EZR: variants seen among roughly 807,000 people sequenced by gnomAD.
EZR encodes ezrin, also known as cytovillin 2.
Under a neutral mutation model 74.8 loss-of-function variants are expected in EZR, and 40 were observed. That is an observed-to-expected ratio of 0.53 (90% confidence interval 0.42 to 0.70). The LOEUF (loss-of-function observed/expected upper bound fraction) is 0.70. EZR is among the 30% of genes least tolerant of loss of function. The probability of loss-of-function intolerance (pLI) is 0.00; values close to 1 mark genes in which losing one functional copy is unlikely to be tolerated. For synonymous variants in EZR, 341 were observed against 283.3 expected, an observed-to-expected ratio of 1.20 and a Z score of -2.05; for missense variants, 678 against 755.8, an observed-to-expected ratio of 0.90 and a Z score of 1.21.
At position 158,801,440 on chromosome 6, in the gene EZR, C is replaced by T. The variant is rs114838756; in HGVS notation, c.13-12069G>A. 1.6e-3 allele frequency among the ~76,000 whole-genome samples: 248 copies of T among 152,266 alleles called. 1 individual carries two copies. Among genetic ancestry groups the T allele is most frequent in the African/African-American group, 5.6e-3 (234 of 41,538 alleles). On this transcript the variant is annotated intron_variant, in intron 2 of 13. Coordinates refer to ENST00000367075, the MANE Select transcript of EZR (RefSeq NM_001111077.2). ...CGGGCTCAGGAAAATGTTCAGATGC[C>T]AAAGGCCAGCCATCTATCTAAGCTC...
At position 158,776,339 on chromosome 6, in the gene EZR, T is replaced by C. The variant is rs9346767; in HGVS notation, c.795+69A>G. On this transcript the variant is annotated intron_variant, in intron 8 of 13. Coordinates refer to ENST00000367075, the MANE Select transcript of EZR (RefSeq NM_001111077.2). ...CACTGGCTACTCGTCACAGTATAAC[T>C]TGTCCGTTACCCTGACAAGTATAAG... 0.45 allele frequency: 577,836 copies of C among 1,280,360 alleles called. 136,917 individuals are homozygous for C. Among genetic ancestry groups the C allele is most frequent in the Non-Finnish European group, 0.5 (435,666 of 877,424 alleles). The allele number at this position is 1,280,360 out of a possible 1,614,324, so 79.3% of individuals were successfully genotyped here. A position where few individuals can be genotyped will look rare whatever the true frequency, so the allele number is the denominator to read the frequency against.
chr6:158,790,099 T>C (rs563591284), intron 2 of EZR, among the ~76,000 whole-genome samples: 5 of 152,148 alleles, frequency 3.3e-5, no homozygotes, highest in East Asian at 1.9e-4. Context: ...TTAGAAACCA[T>C]AGTGAGAGAG....
intron 2 of EZR, among the ~76,000 whole-genome samples, chr6:158,803,573 A>T (rs1241016337): frequency 1.3e-4 from 1 of 7,552 alleles, no homozygotes; most frequent in Non-Finnish European, 2.6e-4. Context: ...ATATATATAT[A>T]TATATATACA....
intron 12 of EZR, among the ~76,000 whole-genome samples, chr6:158,768,496 A>G (rs1158758824): frequency 2.0e-5 from 3 of 152,276 alleles, no homozygotes; most frequent in East Asian, 3.9e-4. Flanking sequence ...ACACGTCCCC[A>G]GAAGGCACCT....
At chr6:158,817,530 T>A (rs1777584698) in intron 2 of EZR, among the ~76,000 whole-genome samples, 1 of 152,350 alleles carries the variant, frequency 6.6e-6, no homozygotes. Context: ...GAAATTCTGC[T>A]GCAGCCAGCA....
At position 158,766,238 on chromosome 6, in the gene EZR, A is replaced by G. The variant is rs1790807340; in HGVS notation, c.*676T>C. 1 of 152,372 alleles carries G rather than the reference A, an allele frequency of 6.6e-6. No homozygotes were observed. Among genetic ancestry groups the G allele is most frequent in the African/African-American group, 2.4e-5 (1 of 41,374 alleles). 9.4% of individuals were successfully genotyped at this position (152,372 alleles called of 1,614,324 possible). ...AATCTGTATTATCACTTGTATATAAATAGTATATAGCTGATCATTAATAAG... is the reference window on the plus strand; with the variant it reads ...AATCTGTATTATCACTTGTATATAAGTAGTATATAGCTGATCATTAATAAG... On this transcript the variant is annotated 3_prime_UTR_variant, in exon 14 of 14. Transcript: ENST00000367075.
chr6:158,802,656 C>T (rs1351243673), intron 2 of EZR, among the ~76,000 whole-genome samples: 10 of 152,138 alleles, frequency 6.6e-5, no homozygotes, highest in East Asian at 5.8e-4. Context: ...CTCAGCCTCC[C>T]GAGTAGCCGG....
chr6:158,785,107 G>A (rs778176791), intron 5 of EZR, among the ~76,000 whole-genome samples: 4 of 152,206 alleles, frequency 2.6e-5, no homozygotes, highest in Non-Finnish European at 5.9e-5. Flanking sequence ...ACACGGCCAC[G>A]CTTTAGTTTC....
rs1311301494 is a variant in EZR, at chr6:158,766,318, A to T, written c.*596T>A. 6.6e-6 allele frequency: 1 copy of T among 152,220 alleles called. No individual in the cohort carries two copies. The highest frequency in any genetic ancestry group is 1.5e-5 in the Non-Finnish European group (1 of 68,058). 9.4% of individuals were successfully genotyped at this position (152,220 alleles called of 1,614,324 possible). On this transcript the variant is annotated 3_prime_UTR_variant, in exon 14 of 14. Transcript: ENST00000367075. The stretch of plus-strand genomic sequence containing the variant: ...TTAAGCAAAAAAAAAAAAAACAAAA[A>T]AAAAAATCCAAGTGTCCTCCTCCAC...
In EZR at chr6:158,766,975, G is replaced by A. The variant is rs763195862; in HGVS notation, c.1700C>T (p.Thr567Met). ...NMRQGRDKYK[T>M]LRQIRQGNTK... Reference sequence around the variant, plus strand: ...GTTGCCCTGCCGGATCTGCCGCAGCGTCTTGTACTTGTCCCGGCCTTGCCT... The same window carrying A: ...GTTGCCCTGCCGGATCTGCCGCAGCATCTTGTACTTGTCCCGGCCTTGCCT... The change falls in exon 14 of 14, where the codon ACG (threonine) becomes ATG (methionine). Residue 567 changes from threonine to methionine, a missense_variant. Physicochemically the swap from Thr to Met is moderately conservative, Grantham distance 81. Coordinates refer to ENST00000367075, the MANE Select transcript of EZR (RefSeq NM_001111077.2). 5 of 1,614,052 alleles carry A rather than the reference G, an allele frequency of 3.1e-6. No individual in the cohort carries two copies. The highest frequency in any genetic ancestry group is 1.3e-5 in the African/African-American group (1 of 74,910).
At chr6:158,784,905 G>A (rs754697261) in intron 5 of EZR, among the ~76,000 whole-genome samples, 178 bp from the exon 6 acceptor site, 2 of 152,210 alleles carry the variant, frequency 1.3e-5, no homozygotes, top group Admixed American at 6.5e-5. Flanking sequence ...TAATCTGGAA[G>A]ACTTAGCATT....
chr6:158,792,560 A>ATG (rs1791773702), intron 2 of EZR, among the ~76,000 whole-genome samples: 10 of 52,328 alleles, frequency 1.9e-4, no homozygotes, highest in African/African-American at 7.6e-4. Context: ...ACAGTGGCTC[A>ATG]CGTAATCCCA....
rs143680525 is a variant in EZR at position 158,771,528 on chromosome 6, C to A, written c.796-121G>T. 3.7e-5 allele frequency: 40 copies of A among 1,086,578 alleles called. No individual in the cohort carries two copies. The East Asian group carries it at 1.1e-3, about 29-fold the overall frequency. The allele number at this position is 1,086,578 out of a possible 1,614,324, so 67.3% of individuals were successfully genotyped here. A position where few individuals can be genotyped will look rare whatever the true frequency, so the allele number is the denominator to read the frequency against. On this transcript the variant is annotated intron_variant, in intron 8 of 13. Coordinates refer to ENST00000367075, the MANE Select transcript of EZR (RefSeq NM_001111077.2). Reference sequence around the variant, plus strand: ...AACAAATGTAGCAGAACAGGGATGGCAGCATCTCGGCACTAGGAATGTGCA... The same window carrying A: ...AACAAATGTAGCAGAACAGGGATGGAAGCATCTCGGCACTAGGAATGTGCA...
At chr6:158,786,648 T>TG (rs1221595268) in intron 4 of EZR, among the ~76,000 whole-genome samples, 1 of 90,508 alleles carries the variant, frequency 1.1e-5, no homozygotes, top group Non-Finnish European at 2.3e-5. Flanking sequence ...GGGAGGACAG[T>TG]GGGGGTTTCA....
At chr6:158,799,571 A>G (rs3123123) in intron 2 of EZR, among the ~76,000 whole-genome samples, 79,910 of 152,180 alleles carry the variant, frequency 0.53, 21,928 homozygotes, top group Non-Finnish European at 0.61. Context: ...TCTGGATCCT[A>G]ATCCCCTTAT....
intron 2 of EZR, among the ~76,000 whole-genome samples, chr6:158,796,535 A>G (rs528560116): frequency 2.6e-5 from 4 of 152,174 alleles, no homozygotes; most frequent in African/African-American, 9.7e-5. Context: ...CGATCATTCT[A>G]TGACTTAAAA....
chr6:158,785,462 T>C lies in EZR; in HGVS notation c.314A>G (p.Gln105Arg). The change falls in exon 5 of 14, where the codon CAA becomes CGA. Residue 105 changes from glutamine (Q) to arginine (R), a missense_variant. Around this residue, in one of 3 missense-constraint regions of EZR, gnomAD observed 217 missense variants for 232.2 expected, o/e 0.93. Coordinates refer to ENST00000367075, the MANE Select transcript of EZR (RefSeq NM_001111077.2). ...QDITQKLFFL[Q>R]VKEGILSDEI... Reference sequence around the variant, plus strand: ...ATCGCTAAGGATTCCTTCCTTCACTTGGAGGAAGAAAAGTTTCTGGGTGAT... The same window carrying C: ...ATCGCTAAGGATTCCTTCCTTCACTCGGAGGAAGAAAAGTTTCTGGGTGAT... 4 of 1,614,206 alleles carry C rather than the reference T, an allele frequency of 2.5e-6. No homozygotes were observed. Among genetic ancestry groups the C allele is most frequent in the Non-Finnish European group, 3.4e-6 (4 of 1,180,032 alleles).
In EZR at chr6:158,766,713, G is replaced by A. The variant is rs1562487098; in HGVS notation, c.*201C>T. On this transcript the variant is annotated 3_prime_UTR_variant, in exon 14 of 14. Coordinates refer to ENST00000367075, the MANE Select transcript of EZR (RefSeq NM_001111077.2). ...GAGAATAATCGCGAGAATCAGGCCT[G>A]CTTGGCACTATTACAACTGGGGAAA... The A allele has an allele frequency of 3.3e-6, 2 of 615,120 alleles. No homozygotes were observed. Among genetic ancestry groups the A allele is most frequent in the Non-Finnish European group, 5.8e-6 (2 of 345,324 alleles). 38.1% of individuals were successfully genotyped at this position (615,120 alleles called of 1,614,324 possible). A position where few individuals can be genotyped will look rare whatever the true frequency, so the allele number is the denominator to read the frequency against.
intron 2 of EZR, among the ~76,000 whole-genome samples, chr6:158,791,898 C>T (rs1791758199): frequency 6.6e-6 from 1 of 151,710 alleles, no homozygotes; most frequent in Non-Finnish European, 1.5e-5. Flanking sequence ...TTAGTAGAGA[C>T]AGGGTTTCAC....
Sources: allele counts gnomAD v4.1 joint callset (sites outside exome capture counted in the v4.1 genomes callset), GRCh38; gene constraint gnomAD v4.1.1; regional missense constraint gnomAD v4.1.1; transcripts MANE v1.5; gene names NCBI Gene and HGNC (gene_info 2026-07-23, HGNC 2026-07-21).